Variants in IFFO2 observed in about 807,000 individuals in gnomAD.
IFFO2 encodes the protein intermediate filament family orphan 2.
Under a neutral mutation model 53.5 loss-of-function variants are expected in IFFO2, and 19 were observed. The ratio of observed to expected loss-of-function variants is 0.36; its 90% confidence interval spans 0.25 to 0.52. IFFO2 has a LOEUF of 0.52. IFFO2 is among the 20% of genes least tolerant of loss of function. The pLI is 0.94. For missense variants in IFFO2, 570 were observed against 727.4 expected, an observed-to-expected ratio of 0.78 and a Z score of 2.49; for synonymous variants, 303 against 313.6, an observed-to-expected ratio of 0.97 and a Z score of 0.36.
chr1:18,913,156 T>C (rs540654027), intron 5 of IFFO2, among the ~76,000 whole-genome samples: 76 of 152,320 alleles, frequency 5.0e-4, no homozygotes, highest in Non-Finnish European at 8.2e-4. Context: ...ATGGACTGGG[T>C]TGGGGACTGG....
At chr1:18,935,888 G>A (rs945186165) in intron 1 of IFFO2, among the ~76,000 whole-genome samples, 2 of 16,922 alleles carry the variant, frequency 1.2e-4, no homozygotes, top group Admixed American at 1.1e-3. Flanking sequence ...TTTTTTTTTT[G>A]TAGAGACAAG....
In IFFO2 at chr1:18,916,995, G is replaced by A; in HGVS notation, c.1011C>T (p.Ile337=). The part of the protein sequence containing the change: ...KERKVASDDD[I]SEQDGEVNRF... ...GGTTCACCTCCCCGTCCTGCTCAGAGATGTCATCATCGGAAGCCACCTTAC... is the reference window on the plus strand; with the variant it reads ...GGTTCACCTCCCCGTCCTGCTCAGAAATGTCATCATCGGAAGCCACCTTAC... The change falls in exon 5 of 9, where the codon ATC becomes ATT. Residue 337 remains isoleucine, a synonymous_variant. Transcript: ENST00000455833. The surrounding 1 kb of genome is among the most constrained non-coding windows in gnomAD (Gnocchi z 4.3). 1 of 1,552,264 alleles carries A rather than the reference G, an allele frequency of 6.4e-7. No homozygotes were observed. The highest frequency in any genetic ancestry group is 1.4e-5 in the African/African-American group (1 of 73,174).
chr1:18,910,491 G>T lies in IFFO2; in HGVS notation c.1318-19C>A. ...GCTCGAGCTGGGAGGAACCAATGAG[G>T]AATAAGGGTGAGGGCAAGTCATCCT... is the stretch of plus-strand genomic sequence containing the variant. On this transcript the variant is annotated intron_variant, in intron 7 of 8. Coordinates refer to ENST00000455833, the MANE Select transcript of IFFO2 (RefSeq NM_001136265.2). 1 of 1,601,296 alleles carries T rather than the reference G, an allele frequency of 6.2e-7. No individual in the cohort carries two copies. Among genetic ancestry groups the T allele is most frequent in the Non-Finnish European group, 8.5e-7 (1 of 1,173,822 alleles).
rs576618897 is a variant in IFFO2 at position 18,921,037 on chromosome 1, G to T, written c.726+24C>A. ...ATGGCTCTCTGGCGTGCCTCTCCTG[G>T]TCGGGATATCGGAGGGCTCTTACCT... On this transcript the variant is annotated intron_variant, in intron 2 of 8. Transcript: ENST00000455833. The T allele has an allele frequency of 3.8e-5, 59 of 1,550,562 alleles. 1 individual carries two copies. In the Middle Eastern group the frequency reaches 1.2e-3, roughly 31 times the overall value.
chr1:18,945,958 C>G (rs1015697147), intron 1 of IFFO2, among the ~76,000 whole-genome samples: 1 of 152,250 alleles, frequency 6.6e-6, no homozygotes, highest in Non-Finnish European at 1.5e-5. Context: ...GCAGGTTCCT[C>G]TCTTCCCAGC....
chr1:18,923,780 G>A lies in IFFO2; in HGVS notation c.666-2659C>T, dbSNP rs115681915. On this transcript the variant is annotated intron_variant, in intron 1 of 8. Transcript: ENST00000455833. ...TTATTAACATGCAGAAGCTGGTTCC[G>A]CAGGCGAGGGCTGGGGCAGACAGCT... is the stretch of plus-strand genomic sequence containing the variant. Among the ~76,000 whole-genome samples the A allele has an allele frequency of 8.1e-3, 1,231 of 152,220 alleles. 21 individuals carry two copies. The highest frequency in any genetic ancestry group is 0.028 in the African/African-American group (1,160 of 41,522).
chr1:18,952,012 C>A (rs1360423865), intron 1 of IFFO2, among the ~76,000 whole-genome samples: 1 of 152,112 alleles, frequency 6.6e-6, no homozygotes, highest in African/African-American at 2.4e-5. Flanking sequence ...GAGAGGGCAG[C>A]GGTTGGCCAG....
At chr1:18,949,592 C>G (rs1936633237) in intron 1 of IFFO2, among the ~76,000 whole-genome samples, 1 of 152,262 alleles carries the variant, frequency 6.6e-6, no homozygotes, top group Non-Finnish European at 1.5e-5. Context: ...CCCACAGCCT[C>G]CGGTGTCACT....
intron 1 of IFFO2, among the ~76,000 whole-genome samples, chr1:18,940,922 T>C (rs567743580): frequency 2.2e-3 from 335 of 152,306 alleles, no homozygotes; most frequent in African/African-American, 7.4e-3. Context: ...TCTGCTCCAG[T>C]CTGATTCCAG....
intron 1 of IFFO2, among the ~76,000 whole-genome samples, chr1:18,929,465 C>T (rs947625801): frequency 2.0e-5 from 3 of 152,198 alleles, no homozygotes; most frequent in African/African-American, 7.2e-5. Flanking sequence ...GCACTGAAAT[C>T]GAGTTGCTAA....
rs1244688386 is a variant in IFFO2, at chr1:18,921,049, GA to G, written c.726+11del. ...CGTGCCTCTCCTGGTCGGGATATCG[GA>G]GGGCTCTTACCTCCTGCAGCGTGTC... On this transcript the variant is annotated intron_variant, in intron 2 of 8. Transcript: ENST00000455833. 1 of 1,551,548 alleles carries G rather than the reference GA, an allele frequency of 6.4e-7. No homozygotes were observed. The highest frequency in any genetic ancestry group is 8.7e-7 in the Non-Finnish European group (1 of 1,146,800).
At position 18,928,860 on chromosome 1, in the gene IFFO2, C is replaced by T. The variant is rs1936336425; in HGVS notation, c.666-7739G>A. 6.6e-6 allele frequency among the ~76,000 whole-genome samples: 1 copy of T among 152,168 alleles called. No homozygotes were observed. Reference sequence around the variant, plus strand: ...TTGCACGCCCTGGATAGGGCCCTTCCTTGGAGTCCAGAAGTGGTGACAGCC... The same window carrying T: ...TTGCACGCCCTGGATAGGGCCCTTCTTTGGAGTCCAGAAGTGGTGACAGCC... On this transcript the variant is annotated intron_variant, in intron 1 of 8. Coordinates refer to ENST00000455833, the MANE Select transcript of IFFO2 (RefSeq NM_001136265.2). This position sits in a 1 kb window ranked among gnomAD's most constrained non-coding sequence, Gnocchi z 4.9.
Position 18,947,089 on chromosome 1 carries a change from T to C in IFFO2, c.665+8579A>G, listed in dbSNP as rs1269866329. On this transcript the variant is annotated intron_variant, in intron 1 of 8. Coordinates refer to ENST00000455833, the MANE Select transcript of IFFO2 (RefSeq NM_001136265.2). The surrounding 1 kb of genome is among the most constrained non-coding windows in gnomAD (Gnocchi z 5.0). ...GCCCACGGTGGGTACTCAGCCACTG[T>C]TCTGAAACCACCACCACTTTGGCTT... is the stretch of plus-strand genomic sequence containing the variant. Among the ~76,000 whole-genome samples the C allele has an allele frequency of 6.6e-6, 1 of 152,094 alleles. No homozygotes were observed. Among genetic ancestry groups the C allele is most frequent in the Non-Finnish European group, 1.5e-5 (1 of 68,016 alleles).
At chr1:18,933,451 G>C (rs1453550143) in intron 1 of IFFO2, among the ~76,000 whole-genome samples, 1 of 152,226 alleles carries the variant, frequency 6.6e-6, no homozygotes, top group Non-Finnish European at 1.5e-5. Context: ...GGGTAGAACT[G>C]TCACTCTGTC....
chr1:18,943,843 G>A (rs918691148), intron 1 of IFFO2, among the ~76,000 whole-genome samples: 3 of 152,200 alleles, frequency 2.0e-5, no homozygotes, highest in East Asian at 1.9e-4. Flanking sequence ...CATCCACAGC[G>A]CCAGGGACCC....
chr1:18,929,663 G>T (rs61763672), intron 1 of IFFO2, among the ~76,000 whole-genome samples: 1 of 151,838 alleles, frequency 6.6e-6, no homozygotes, highest in South Asian at 2.1e-4. Context: ...GGTGACTTGA[G>T]AGGTGAGAGG....
chr1:18,940,980 A>C (rs1557648169), intron 1 of IFFO2, among the ~76,000 whole-genome samples: 2 of 152,316 alleles, frequency 1.3e-5, no homozygotes, highest in Non-Finnish European at 2.9e-5. Flanking sequence ...GTGCAACACG[A>C]GACTCTAGTG....
intron 1 of IFFO2, among the ~76,000 whole-genome samples, chr1:18,950,174 A>C (rs1258230824): frequency 6.6e-6 from 1 of 152,330 alleles, no homozygotes; most frequent in Non-Finnish European, 1.5e-5. Context: ...AGAGTAGGTC[A>C]AACAGCCTTC....
chr1:18,948,524 C>A (rs1936619134), intron 1 of IFFO2, among the ~76,000 whole-genome samples: 1 of 152,186 alleles, frequency 6.6e-6, no homozygotes, highest in African/African-American at 2.4e-5. Flanking sequence ...TGAAAACTAC[C>A]CTCTCTTGTA....
Sources: gnomAD v4.1 joint callset for allele counts (sites outside exome capture counted in the v4.1 genomes callset) on GRCh38, gnomAD v4.1.1 for gene constraint, Gnocchi (gnomAD v3.1) non-coding constraint, MANE v1.5 for transcripts, NCBI Gene and HGNC (gene_info 2026-07-23, HGNC 2026-07-21) for gene names.